The following PPM1L variants were observed in gnomAD, a reference collection of about 807,000 sequenced individuals.
The protein encoded by PPM1L is protein phosphatase, Mg2+/Mn2+ dependent 1L, also known as protein phosphatase 1L.
Under a neutral mutation model 31.4 loss-of-function variants are expected in PPM1L, and 13 were observed. That is an observed-to-expected ratio of 0.41 (90% confidence interval 0.27 to 0.66). The LOEUF is 0.66. Ranked by LOEUF, PPM1L falls within the 30% of genes least tolerant of loss-of-function variation. PPM1L has a pLI of 0.29. For synonymous variants in PPM1L, 184 were observed against 175.4 expected (o/e 1.05, Z -0.39); for missense variants, 326 against 453.7 (o/e 0.72, Z 2.56).
intron 2 of PPM1L, among the ~76,000 whole-genome samples, chr3:160,992,264 G>A (rs1165627634): frequency 1.3e-5 from 2 of 152,124 alleles, no homozygotes; most frequent in Non-Finnish European, 2.9e-5. Context: ...AATATTTGTG[G>A]GTGATAATAG....
chr3:161,001,225 AAAC>A lies in PPM1L; in HGVS notation c.574+39327_574+39329del, dbSNP rs925174336. Among the ~76,000 whole-genome samples the A allele has an allele frequency of 2.6e-4, 39 of 152,280 alleles. 1 individual carries two copies. Among genetic ancestry groups the A allele is most frequent in the Middle Eastern group, 3.4e-3 (1 of 294 alleles). ...GATTGCAAAACAAAACAAAAAACAA[AAAC>A]AACAACAACAAAACAAACAACAAGA... On this transcript the variant is annotated intron_variant, in intron 2 of 3. Transcript: ENST00000498165.
chr3:160,759,998 A>C (rs1171469107), intron 1 of PPM1L, among the ~76,000 whole-genome samples: 1 of 152,102 alleles, frequency 6.6e-6, no homozygotes, highest in African/African-American at 2.4e-5. Context: ...CAAGAAGACC[A>C]AGAAGTCTGC....
At chr3:160,842,498 TAGTTTAGTTA>T (rs1220323204) in intron 1 of PPM1L, among the ~76,000 whole-genome samples, 1 of 152,144 alleles carries the variant, frequency 6.6e-6, no homozygotes, top group Non-Finnish European at 1.5e-5. Flanking sequence ...AATTGCTTTG[TAGTTTAGTTA>T]GAGCAGAAGC....
chr3:160,893,084 A>G (rs1044085028), intron 1 of PPM1L, among the ~76,000 whole-genome samples: 1 of 152,190 alleles, frequency 6.6e-6, no homozygotes, highest in Non-Finnish European at 1.5e-5. Context: ...TATAAGGTAG[A>G]CCTAAGAAGG....
At chr3:161,064,520 A>T (rs114053460) in intron 2 of PPM1L, among the ~76,000 whole-genome samples, 324 of 152,246 alleles carry the variant, frequency 2.1e-3, no homozygotes, top group Admixed American at 3.6e-3. Context: ...AACGAGGGAG[A>T]TATGTTTGAG....
chr3:160,864,587 T>C (rs1005360461), intron 1 of PPM1L, among the ~76,000 whole-genome samples: 1 of 152,212 alleles, frequency 6.6e-6, no homozygotes, highest in Non-Finnish European at 1.5e-5. Context: ...CATTTAGTCA[T>C]GTTGGCTTCA....
At position 161,077,220 on chromosome 3, in the gene PPM1L, A is replaced by C. The variant is rs1720130627; in HGVS notation, c.*8063A>C. The C allele has an allele frequency of 6.6e-6, 1 of 152,252 alleles. No individual in the cohort carries two copies. 9.4% of individuals were successfully genotyped at this position (152,252 alleles called of 1,614,324 possible). A position where few individuals can be genotyped will look rare whatever the true frequency, so the allele number is the denominator to read the frequency against. On this transcript the variant is annotated 3_prime_UTR_variant, in exon 4 of 4. Coordinates refer to ENST00000498165, the MANE Select transcript of PPM1L (RefSeq NM_139245.4). ...TAATTATTTCTCACATATAAGAGTA[A>C]GTGATATGAGATTGGGAATTTCTTG...
intron 1 of PPM1L, among the ~76,000 whole-genome samples, chr3:160,810,803 T>C (rs1047160232): frequency 1.3e-5 from 2 of 152,238 alleles, no homozygotes; most frequent in Admixed American, 1.3e-4. Context: ...ATGCTCCTCA[T>C]TATGCTCTCT....
intron 1 of PPM1L, among the ~76,000 whole-genome samples, chr3:160,777,297 G>C (rs1711583952): frequency 6.6e-6 from 1 of 151,976 alleles, no homozygotes; most frequent in African/African-American, 2.4e-5. Context: ...CTCCAGCCTG[G>C]GTGACAGAGC....
rs1160767449 is a variant in PPM1L, at chr3:161,063,199, T to G, written c.575-2204T>G. 2.0e-5 allele frequency among the ~76,000 whole-genome samples: 3 copies of G among 152,272 alleles called. No individual in the cohort carries two copies. The East Asian group carries it at 5.8e-4, about 29-fold the overall frequency. On this transcript the variant is annotated intron_variant, in intron 2 of 3. Coordinates refer to ENST00000498165, the MANE Select transcript of PPM1L (RefSeq NM_139245.4). Reference sequence around the variant, plus strand: ...AGTGAGGATATGTTGAATACCAAAATTTCAGTTTCCAATATAAAAAAAAAA... The same window carrying G: ...AGTGAGGATATGTTGAATACCAAAAGTTCAGTTTCCAATATAAAAAAAAAA...
intron 2 of PPM1L, among the ~76,000 whole-genome samples, chr3:161,039,433 A>AT (rs1718842731): frequency 6.6e-6 from 1 of 152,042 alleles, no homozygotes; most frequent in Non-Finnish European, 1.5e-5. Flanking sequence ...GGGGGCGTGT[A>AT]TTTTTTCATC....
chr3:160,775,765 G>A (rs1256988848), intron 1 of PPM1L, among the ~76,000 whole-genome samples: 2 of 152,314 alleles, frequency 1.3e-5, no homozygotes, highest in South Asian at 2.1e-4. Context: ...GTTTTCAAAC[G>A]TAAGTGCAAG....
intron 1 of PPM1L, among the ~76,000 whole-genome samples, chr3:160,899,917 C>G (rs1713481593): frequency 6.6e-6 from 1 of 152,028 alleles, no homozygotes; most frequent in Non-Finnish European, 1.5e-5. Context: ...CATATTTTTT[C>G]ATTGTCTGAT....
chr3:160,944,913 A>AAC (rs1715324486), intron 1 of PPM1L, among the ~76,000 whole-genome samples: 1 of 74,958 alleles, frequency 1.3e-5, no homozygotes, highest in African/African-American at 4.9e-5. Context: ...TTACATATAT[A>AAC]ATATATAGTG....
rs566552310 is a variant in PPM1L at position 161,049,075 on chromosome 3, A to G, written c.575-16328A>G. On this transcript the variant is annotated intron_variant, in intron 2 of 3. Transcript: ENST00000498165. Reference sequence around the variant, plus strand: ...GAACATGTACCCTAGAACTTAAAGTATTAAAAAAAAAAAAAACCACGGTGA... The same window carrying G: ...GAACATGTACCCTAGAACTTAAAGTGTTAAAAAAAAAAAAAACCACGGTGA... Among the ~76,000 whole-genome samples, 50 of 134,126 alleles carry G rather than the reference A, an allele frequency of 3.7e-4. 1 individual carries two copies. The South Asian group carries it at 9.6e-3, about 26-fold the overall frequency. 88.0% of individuals were successfully genotyped at this position (134,126 alleles called of 152,430 possible). A position where few individuals can be genotyped will look rare whatever the true frequency, so the allele number is the denominator to read the frequency against.
chr3:160,766,817 C>T (rs753375308), intron 1 of PPM1L, among the ~76,000 whole-genome samples: 5 of 150,180 alleles, frequency 3.3e-5, no homozygotes, highest in Non-Finnish European at 7.4e-5. Context: ...TTAGCTGCTT[C>T]CAACTTTTCT....
intron 1 of PPM1L, among the ~76,000 whole-genome samples, chr3:160,925,462 A>T (rs927687070): frequency 2.6e-5 from 4 of 152,172 alleles, no homozygotes; most frequent in African/African-American, 9.7e-5. Context: ...TATTGTTCTA[A>T]TGTGATTATT....
intron 1 of PPM1L, among the ~76,000 whole-genome samples, chr3:160,774,473 C>T (rs956172259): frequency 2.0e-5 from 3 of 152,146 alleles, no homozygotes; most frequent in African/African-American, 7.2e-5. Flanking sequence ...AATAAACCAA[C>T]TGGATTATAT....
chr3:160,945,536 A>G (rs565478114), intron 1 of PPM1L, among the ~76,000 whole-genome samples: 13 of 152,150 alleles, frequency 8.5e-5, no homozygotes, highest in Admixed American at 1.3e-4. Context: ...AATGGCTGCC[A>G]TAGGCATTGT....
Sources: allele counts gnomAD v4.1 joint callset (sites outside exome capture counted in the v4.1 genomes callset), GRCh38; gene constraint gnomAD v4.1.1; transcripts MANE v1.5; gene names NCBI Gene and HGNC (gene_info 2026-07-23, HGNC 2026-07-21).